The following FAT3 variants were observed in gnomAD, a reference collection of about 807,000 sequenced individuals.
FAT3 encodes the protein protocadherin Fat 3.
In FAT3, 95 loss-of-function variants were observed where a neutral mutation model predicts 310.2. The ratio of observed to expected loss-of-function variants is 0.31; its 90% CI spans 0.26 to 0.36. FAT3 has a LOEUF of 0.36. Among genes scored for constraint, FAT3 ranks in the 10% least tolerant of loss-of-function variants. The pLI, the probability that FAT3 is intolerant of heterozygous loss-of-function variation, is 1.00. For missense variants in FAT3, 5,408 were observed against 5,715.6 expected (o/e 0.95, Z 1.74); for synonymous variants, 2,314 against 2,192.9 (o/e 1.06, Z -1.54).
At chr11:92,840,886 C>T in intron 18 of FAT3, 127 bp downstream of exon 18, 1 of 883,442 alleles carries the variant, frequency 1.1e-6, no homozygotes, top group South Asian at 2.9e-5. Flanking sequence ...GAATGTTCCC[C>T]CTTTTAATCT....
intron 1 of FAT3, among the ~76,000 whole-genome samples, chr11:92,252,184 A>C (rs1228247528): frequency 6.6e-6 from 1 of 152,154 alleles, no homozygotes; most frequent in African/African-American, 2.4e-5. Flanking sequence ...CTGGAGTCAA[A>C]ACCCACACAT....
At chr11:92,730,636 T>C (rs1935642427) in intron 4 of FAT3, among the ~76,000 whole-genome samples, 1 of 152,202 alleles carries the variant, frequency 6.6e-6, no homozygotes, top group Non-Finnish European at 1.5e-5. Flanking sequence ...CTTTTGAATT[T>C]GCGCTAGAAG....
rs772125604 is a variant in FAT3, at chr11:92,798,337, C to T, written c.5324C>T (p.Ser1775Leu). 6.2e-7 allele frequency: 1 copy of T among 1,613,688 alleles called. No individual in the cohort carries two copies. The highest frequency in any genetic ancestry group is 8.5e-7 in the Non-Finnish European group (1 of 1,179,782). ...NAPVFLFSQYSGSLSEAAPIN... is the reference protein window; with the variant it reads ...NAPVFLFSQYLGSLSEAAPIN... ...CCAGTTTTTCTCTTTTCTCAATACTCAGGCAGCCTAAGTGAGGCTGCCCCA... is the reference window on the plus strand; with the variant it reads ...CCAGTTTTTCTCTTTTCTCAATACTTAGGCAGCCTAAGTGAGGCTGCCCCA... The change falls in exon 10 of 28, where the codon TCA becomes TTA. Residue 1775 changes from serine (S) to leucine (L), a missense_variant. This residue lies in a region of FAT3 where 4,588 missense variants were observed against 4,809.8 expected (regional missense o/e 0.95). Transcript: ENST00000525166.
intron 3 of FAT3, among the ~76,000 whole-genome samples, chr11:92,677,281 C>A (rs1023660572): frequency 6.6e-6 from 1 of 152,136 alleles, no homozygotes; most frequent in African/African-American, 2.4e-5. Context: ...CAGAACTGCC[C>A]CATTTATACA....
At chr11:92,796,781 C>T (rs1206137322) in intron 9 of FAT3, among the ~76,000 whole-genome samples, 21 of 152,240 alleles carry the variant, frequency 1.4e-4, no homozygotes, top group East Asian at 3.8e-4. Flanking sequence ...ACCTTCTTTA[C>T]ATACTCCACA....
intron 4 of FAT3, among the ~76,000 whole-genome samples, chr11:92,705,633 T>TAC (rs1944294409): frequency 3.9e-4 from 1 of 2,532 alleles, no homozygotes. Flanking sequence ...GATGGTGGTG[T>TAC]GTGATGGTGG....
intron 2 of FAT3, among the ~76,000 whole-genome samples, chr11:92,377,923 G>C (rs559476190): frequency 5.3e-5 from 8 of 152,170 alleles, no homozygotes; most frequent in Non-Finnish European, 5.9e-5. Flanking sequence ...TGGGGGATCT[G>C]TTCCAGTATC....
At chr11:92,570,237 A>T (rs1955624964) in intron 3 of FAT3, among the ~76,000 whole-genome samples, 1 of 152,176 alleles carries the variant, frequency 6.6e-6, no homozygotes, top group Admixed American at 6.6e-5. Flanking sequence ...AAGTGGTAAT[A>T]AGAGATTCAA....
At chr11:92,667,236 A>T (rs1942983440) in intron 3 of FAT3, among the ~76,000 whole-genome samples, 1 of 152,176 alleles carries the variant, frequency 6.6e-6, no homozygotes, top group South Asian at 2.1e-4. Flanking sequence ...CACCATTTAA[A>T]ACATTTTTAT....
At chr11:92,601,252 G>C (rs1403963368) in intron 3 of FAT3, among the ~76,000 whole-genome samples, 1 of 151,890 alleles carries the variant, frequency 6.6e-6, no homozygotes, top group Non-Finnish European at 1.5e-5. Context: ...TTCCATACAG[G>C]CATCATCAAA....
intron 1 of FAT3, among the ~76,000 whole-genome samples, chr11:92,346,213 G>A (rs150945486): frequency 5.8e-4 from 88 of 152,258 alleles, no homozygotes; most frequent in African/African-American, 1.9e-3. Flanking sequence ...AATTTGGGTG[G>A]TATCAGAATA....
Position 92,889,888 on chromosome 11 carries a change from C to T in FAT3, c.13144C>T (p.Arg4382Ter), listed in dbSNP as rs1175842428. The change falls in exon 27 of 28, where the codon CGA becomes TGA. Residue 4382 changes from arginine (R) to a stop codon, truncating the protein, a stop_gained. Coordinates refer to ENST00000525166, the MANE Select transcript of FAT3 (RefSeq NM_001367949.2). LOFTEE classifies it high-confidence loss of function. ...SVMDQGQNYN[R>*]AYHWDTSDWM... ...CATGGACCAAGGACAGAACTACAACCGAGGTGACTGTGCCGCAACCCTAGC... is the reference window on the plus strand; with the variant it reads ...CATGGACCAAGGACAGAACTACAACTGAGGTGACTGTGCCGCAACCCTAGC... The T allele has an allele frequency of 9.7e-6, 7 of 717,950 alleles. No homozygotes were observed. The highest frequency in any genetic ancestry group is 2.0e-5 in the Admixed American group (1 of 50,006). The allele number at this position is 717,950 out of a possible 1,614,324, so 44.5% of individuals were successfully genotyped here.
chr11:92,831,348 T>C (rs1383204165), intron 13 of FAT3, among the ~76,000 whole-genome samples: 1 of 152,216 alleles, frequency 6.6e-6, no homozygotes, highest in African/African-American at 2.4e-5. Flanking sequence ...ACAGTTTTTC[T>C]TAAAGATTTG....
At chr11:92,571,687 T>G (rs975860489) in intron 3 of FAT3, among the ~76,000 whole-genome samples, 1 of 152,194 alleles carries the variant, frequency 6.6e-6, no homozygotes, top group Non-Finnish European at 1.5e-5. Flanking sequence ...CACTCACATT[T>G]CTTCTTTCTC....
chr11:92,577,901 G>A (rs935158500), intron 3 of FAT3, among the ~76,000 whole-genome samples: 1 of 151,938 alleles, frequency 6.6e-6, no homozygotes, highest in Non-Finnish European at 1.5e-5. Flanking sequence ...GGGAGAGAGA[G>A]ATTGAGATAG....
intron 3 of FAT3, among the ~76,000 whole-genome samples, chr11:92,678,989 T>C (rs975617875): frequency 6.6e-6 from 1 of 152,166 alleles, no homozygotes; most frequent in African/African-American, 2.4e-5. Context: ...TTTTATCATT[T>C]CACTCTCTAC....
chr11:92,460,435 A>G (rs1951606362), intron 2 of FAT3, among the ~76,000 whole-genome samples: 1 of 152,166 alleles, frequency 6.6e-6, no homozygotes. Context: ...CTAATTACGC[A>G]GCTGTCAGAA....
At chr11:92,266,361 C>T (rs932418154) in intron 1 of FAT3, among the ~76,000 whole-genome samples, 1 of 152,052 alleles carries the variant, frequency 6.6e-6, no homozygotes, top group Non-Finnish European at 1.5e-5. Context: ...TCTTCAGGAC[C>T]AAAATGCTAT....
chr11:92,816,421 C>T (rs1947827947), intron 13 of FAT3, among the ~76,000 whole-genome samples: 1 of 152,182 alleles, frequency 6.6e-6, no homozygotes, highest in Non-Finnish European at 1.5e-5. Flanking sequence ...TGTCAGCTGC[C>T]TCAGCCTGGG....
Sources: allele counts gnomAD v4.1 joint callset (sites outside exome capture counted in the v4.1 genomes callset), GRCh38; gene constraint gnomAD v4.1.1; regional missense constraint gnomAD v4.1.1; transcripts MANE v1.5; gene names NCBI Gene and HGNC (gene_info 2026-07-23, HGNC 2026-07-21).